TCERG1L: variants seen among roughly 807,000 people sequenced by gnomAD.
The protein encoded by TCERG1L is transcription elongation regulator 1-like protein.
A neutral mutation model predicts 56.3 loss-of-function variants in TCERG1L; 37 were observed. The observed-to-expected ratio is 0.66, with a 90% confidence interval of 0.51 to 0.87. The LOEUF (loss-of-function observed/expected upper bound fraction) is 0.87, where lower values mean the gene tolerates loss of function less well. Ranked by LOEUF, TCERG1L falls within the 40% of genes least tolerant of loss-of-function variation. The probability of loss-of-function intolerance (pLI) is 0.00; values close to 1 mark genes in which losing one functional copy is unlikely to be tolerated. For missense variants in TCERG1L, 799 were observed against 774.2 expected (o/e 1.03, Z -0.38); for synonymous variants, 324 against 326.3 (o/e 0.99, Z 0.08).
intron 4 of TCERG1L, among the ~76,000 whole-genome samples, chr10:131,227,765 G>A (rs1377809632): frequency 6.6e-6 from 1 of 152,108 alleles, no homozygotes; most frequent in Non-Finnish European, 1.5e-5. Context: ...ACTGATCACA[G>A]GCACATTCAT....
intron 4 of TCERG1L, among the ~76,000 whole-genome samples, chr10:131,175,636 T>C (rs1816165288): frequency 6.6e-6 from 1 of 152,194 alleles, no homozygotes; most frequent in Non-Finnish European, 1.5e-5. Context: ...CGCTCAAAGT[T>C]CTCATCTTTA....
intron 3 of TCERG1L, among the ~76,000 whole-genome samples, chr10:131,306,421 A>T (rs1436336591): frequency 3.0e-5 from 2 of 66,812 alleles, no homozygotes; most frequent in Admixed American, 1.2e-4. Flanking sequence ...TCCGTAAATT[A>T]AAAAAAAGGG....
At chr10:131,214,429 C>T (rs1312940149) in intron 4 of TCERG1L, among the ~76,000 whole-genome samples, 1 of 152,208 alleles carries the variant, frequency 6.6e-6, no homozygotes, top group Non-Finnish European at 1.5e-5. Context: ...TCTTGATTAG[C>T]AAGCCTACCC....
At chr10:131,130,181 C>T (rs541031349) in intron 8 of TCERG1L, among the ~76,000 whole-genome samples, 8 of 151,772 alleles carry the variant, frequency 5.3e-5, no homozygotes, top group Admixed American at 2.0e-4. Flanking sequence ...TGTTACAAGG[C>T]GGCAGGCAAG....
At chr10:131,217,798 T>C (rs1314230568) in intron 4 of TCERG1L, among the ~76,000 whole-genome samples, 1 of 140,420 alleles carries the variant, frequency 7.1e-6, no homozygotes, top group Non-Finnish European at 1.5e-5. Context: ...CTCGGCTCAC[T>C]GCAAGCTCTG....
chr10:131,189,596 G>A (rs986963303), intron 4 of TCERG1L, among the ~76,000 whole-genome samples: 1 of 152,058 alleles, frequency 6.6e-6, no homozygotes, highest in Non-Finnish European at 1.5e-5. Flanking sequence ...GGACACTTAG[G>A]TTGATTCCAT....
chr10:131,176,937 A>ACACACAGACATGTGT (rs1846164206), intron 4 of TCERG1L, among the ~76,000 whole-genome samples: 61 of 31,902 alleles, frequency 1.9e-3, no homozygotes, highest in African/African-American at 7.0e-3. Context: ...CAGACACGTG[A>ACACACAGACATGTGT]ACACACACCA....
At chr10:131,155,297 C>T (rs1020545692) in intron 6 of TCERG1L, among the ~76,000 whole-genome samples, 13 of 152,190 alleles carry the variant, frequency 8.5e-5, no homozygotes, top group Admixed American at 7.2e-4. Flanking sequence ...TTATTTCACA[C>T]AAATGGATGT....
intron 4 of TCERG1L, among the ~76,000 whole-genome samples, chr10:131,167,616 G>T (rs1418804361): frequency 6.6e-6 from 1 of 152,234 alleles, no homozygotes; most frequent in East Asian, 1.9e-4. Context: ...CTGCCAGCTG[G>T]TGGCCATGAT....
intron 4 of TCERG1L, among the ~76,000 whole-genome samples, chr10:131,241,085 C>T (rs1254991653): frequency 2.6e-5 from 4 of 152,102 alleles, no homozygotes; most frequent in African/African-American, 4.8e-5. Flanking sequence ...GAGCTCACCC[C>T]GGAGATGGAG....
chr10:131,121,613 A>G (rs1353603529), intron 8 of TCERG1L, among the ~76,000 whole-genome samples: 4 of 152,232 alleles, frequency 2.6e-5, no homozygotes, highest in East Asian at 1.9e-4. Flanking sequence ...AGATGCCTCT[A>G]GCAGCTCTCC....
intron 3 of TCERG1L, among the ~76,000 whole-genome samples, chr10:131,288,534 A>G (rs946499478): frequency 1.3e-5 from 2 of 152,144 alleles, no homozygotes; most frequent in Non-Finnish European, 2.9e-5. Context: ...CCTCCACCCC[A>G]CTATCAACAG....
intron 4 of TCERG1L, among the ~76,000 whole-genome samples, chr10:131,167,823 C>T (rs1272037268): frequency 6.6e-6 from 1 of 152,102 alleles, no homozygotes; most frequent in Admixed American, 6.5e-5. Context: ...ACTTTTTTGT[C>T]TTCTCCAAAA....
chr10:131,256,839 G>A (rs957144618), intron 4 of TCERG1L, among the ~76,000 whole-genome samples: 14 of 150,944 alleles, frequency 9.3e-5, no homozygotes, highest in African/African-American at 3.4e-4. Context: ...AGCCGAGACC[G>A]CACCACTGCA....
intron 10 of TCERG1L, among the ~76,000 whole-genome samples, chr10:131,101,579 C>A (rs1460463081): frequency 6.6e-6 from 1 of 152,214 alleles, no homozygotes; most frequent in African/African-American, 2.4e-5. Context: ...GCCACACACG[C>A]CACACACGCC....
intron 6 of TCERG1L, among the ~76,000 whole-genome samples, chr10:131,148,880 G>A (rs1339838919): frequency 5.9e-5 from 9 of 152,220 alleles, no homozygotes; most frequent in East Asian, 5.8e-4. Context: ...TGTGGGAGAC[G>A]AATCAATGGG....
At position 131,184,628 on chromosome 10, in the gene TCERG1L, C is replaced by T. The variant is rs930388; in HGVS notation, c.857-17743G>A. Among the ~76,000 whole-genome samples the T allele has an allele frequency of 9.6e-3, 1,457 of 152,314 alleles. 82 individuals carry two copies. In the East Asian group the frequency reaches 0.17, roughly 18 times the overall value. Reference sequence around the variant, plus strand: ...AGAAAATGCGTCTCCAGCAGCTCTGCGTGTACACATCGGTCACGATGGAAA... The same window carrying T: ...AGAAAATGCGTCTCCAGCAGCTCTGTGTGTACACATCGGTCACGATGGAAA... On this transcript the variant is annotated intron_variant, in intron 4 of 11. Transcript: ENST00000368642.
chr10:131,203,314 C>CCAAAAAAAAAAAAAA (rs774755075), intron 4 of TCERG1L, among the ~76,000 whole-genome samples: 2 of 117,672 alleles, frequency 1.7e-5, no homozygotes, highest in East Asian at 5.7e-4. Context: ...GACTCCGTCT[C>CCAAAAAAAAAAAAAA]AAAAAAAAAA....
chr10:131,230,003 G>T (rs10765059), intron 4 of TCERG1L, among the ~76,000 whole-genome samples: 31,026 of 151,956 alleles, frequency 0.2, 3,538 homozygotes, highest in East Asian at 0.49. Flanking sequence ...CGTTGAAATT[G>T]CCTGAAGCAA....
Sources: allele counts gnomAD v4.1 joint callset (sites outside exome capture counted in the v4.1 genomes callset), GRCh38; gene constraint gnomAD v4.1.1; transcripts MANE v1.5; gene names NCBI Gene and HGNC (gene_info 2026-07-23, HGNC 2026-07-21).